The following AFAP1 variants were observed in gnomAD, a reference collection of about 807,000 sequenced individuals.
The protein encoded by AFAP1 is actin filament-associated protein 1.
Under a neutral mutation model 93.9 loss-of-function variants are expected in AFAP1, and 75 were observed. The observed-to-expected ratio is 0.80, with a 90% CI of 0.66 to 0.97. The LOEUF is 0.97. Among genes scored for constraint, AFAP1 ranks in the 50% least tolerant of loss-of-function variants. The pLI is 0.00. For synonymous variants in AFAP1, 517 were observed against 430.7 expected (o/e 1.20, Z -2.48); for missense variants, 1,201 against 1,050.8 (o/e 1.14, Z -1.98).
chr4:7,887,341 C>T (rs7663026), intron 1 of AFAP1, among the ~76,000 whole-genome samples: 46,757 of 152,114 alleles, frequency 0.31, 8,941 homozygotes, highest in Non-Finnish European at 0.44. Flanking sequence ...GCAAAGCAAA[C>T]GTGATCCCAA....
intron 8 of AFAP1, 50 bp downstream of exon 8, chr4:7,815,968 T>G: frequency 6.6e-7 from 1 of 1,517,728 alleles, no homozygotes; most frequent in African/African-American, 1.4e-5. Context: ...GATTTTTGTT[T>G]TTGTTTTTTT....
At chr4:7,798,993 A>G in intron 10 of AFAP1, 2 of 986,258 alleles carry the variant, frequency 2.0e-6, no homozygotes, top group African/African-American at 3.5e-5. Flanking sequence ...TCAAGAGTAC[A>G]GTTTCTTTAT....
intron 6 of AFAP1, among the ~76,000 whole-genome samples, chr4:7,834,162 AG>A (rs1178044348): frequency 6.6e-6 from 1 of 150,460 alleles, no homozygotes; most frequent in Admixed American, 6.6e-5. Context: ...AGCCATAAAA[AG>A]GAATACATTA....
intron 1 of AFAP1, among the ~76,000 whole-genome samples, chr4:7,873,128 A>C (rs1360453459): frequency 6.7e-6 from 1 of 148,564 alleles, no homozygotes; most frequent in Non-Finnish European, 1.5e-5. Context: ...CTGTAATCCC[A>C]GCTACTGAGG....
At position 7,778,892 on chromosome 4, in the gene AFAP1, T is replaced by C. The variant is rs187144931; in HGVS notation, c.1783-16A>G. 791 of 1,519,830 alleles carry C rather than the reference T, an allele frequency of 5.2e-4. No homozygotes were observed. Among genetic ancestry groups the C allele is most frequent in the Non-Finnish European group, 6.0e-4 (666 of 1,111,886 alleles). The allele number at this position is 1,519,830 out of a possible 1,614,324, so 94.1% of individuals were successfully genotyped here. A position where few individuals can be genotyped will look rare whatever the true frequency, so the allele number is the denominator to read the frequency against. ...TACCCTTGAGCTGTTGAAATAAACA[T>C]ATAAGAACATTAAAAATAAACACAA... On this transcript the variant is annotated splice_polypyrimidine_tract_variant and intron_variant, in intron 13 of 17. Transcript: ENST00000420658.
intron 9 of AFAP1, among the ~76,000 whole-genome samples, chr4:7,803,415 G>A (rs755568228): frequency 6.6e-6 from 1 of 152,222 alleles, no homozygotes; most frequent in Admixed American, 6.5e-5. Context: ...GTGCAGCAGG[G>A]CAGCAGTTCC....
chr4:7,876,899 A>G (rs1436666954), intron 1 of AFAP1, among the ~76,000 whole-genome samples: 3 of 152,244 alleles, frequency 2.0e-5, no homozygotes, highest in Non-Finnish European at 4.4e-5. Flanking sequence ...TGGGATATTC[A>G]CAGACTAAAT....
chr4:7,867,000 A>G (rs376962445), intron 3 of AFAP1, among the ~76,000 whole-genome samples: 5 of 149,750 alleles, frequency 3.3e-5, no homozygotes, highest in East Asian at 4.0e-4. Flanking sequence ...GAATGTGCCA[A>G]TGCACTCCAG....
rs575957009 is a variant in AFAP1 at position 7,824,097 on chromosome 4, G to T, written c.727-4926C>A. 1.4e-4 allele frequency among the ~76,000 whole-genome samples: 21 copies of T among 152,288 alleles called. No individual in the cohort carries two copies. In the South Asian group the frequency reaches 4.1e-3, roughly 30 times the overall value. On this transcript the variant is annotated intron_variant, in intron 6 of 17. Transcript: ENST00000420658. ...CTGCACCTGCAGAGTTTAGTCAGAA[G>T]TAATAAGTAAAGCACTGATCACTCC...
At chr4:7,772,678 A>T (rs956443101) in intron 16 of AFAP1, 142 bp downstream of exon 16, 4 of 720,408 alleles carry the variant, frequency 5.6e-6, no homozygotes, top group Non-Finnish European at 8.9e-6. Context: ...TGATGCTAAC[A>T]CATGAACTGT....
intron 10 of AFAP1, among the ~76,000 whole-genome samples, chr4:7,796,136 C>T (rs893713929): frequency 2.6e-5 from 4 of 152,096 alleles, no homozygotes; most frequent in Non-Finnish European, 5.9e-5. Context: ...AGCTCTGGCC[C>T]GCCGGCAGAA....
intron 1 of AFAP1, among the ~76,000 whole-genome samples, chr4:7,907,762 T>C (rs1397369514): frequency 1.3e-5 from 2 of 152,162 alleles, no homozygotes; most frequent in Non-Finnish European, 2.9e-5. Flanking sequence ...TCTGAAACAC[T>C]TCTGGTTCCA....
In AFAP1 at chr4:7,762,167, G is replaced by A. The variant is rs546916814; in HGVS notation, c.*1598C>T. ...CCAACGTGGCCCTTGCAGGCCTCAA[G>A]CGCCACCACCTTAAACATGAATCCT... On this transcript the variant is annotated 3_prime_UTR_variant, in exon 18 of 18. Transcript: ENST00000420658. 3.3e-5 allele frequency: 5 copies of A among 152,392 alleles called. No individual in the cohort carries two copies. The highest frequency in any genetic ancestry group is 1.3e-4 in the Admixed American group (2 of 15,312). The allele number at this position is 152,392 out of a possible 1,614,324, so 9.4% of individuals were successfully genotyped here. A position where few individuals can be genotyped will look rare whatever the true frequency, so the allele number is the denominator to read the frequency against.
Position 7,939,582 on chromosome 4 carries a change from G to A in AFAP1, c.-3+74C>T, listed in dbSNP as rs1281932123. The A allele has an allele frequency of 5.1e-6, 2 of 390,686 alleles. No individual in the cohort carries two copies. The highest frequency in any genetic ancestry group is 3.1e-5 in the Admixed American group (1 of 32,112). 24.2% of individuals were successfully genotyped at this position (390,686 alleles called of 1,614,324 possible). On this transcript the variant is annotated intron_variant, in intron 1 of 17. Coordinates refer to ENST00000420658, the MANE Select transcript of AFAP1 (RefSeq NM_001134647.2). The surrounding 1 kb of genome is among the most constrained non-coding windows in gnomAD (Gnocchi z 5.6). ...CGGACCCCGGACCCTGCGGAGCCCC[G>A]CTCGGAGCTTCCACGCCCGGGGCAG...
At chr4:7,811,884 A>G (rs1021167814) in intron 8 of AFAP1, among the ~76,000 whole-genome samples, 2 of 152,064 alleles carry the variant, frequency 1.3e-5, no homozygotes, top group Non-Finnish European at 2.9e-5. Context: ...GTGTGACTTT[A>G]AACAAATCAG....
chr4:7,812,848 A>C (rs1720170912), intron 8 of AFAP1, among the ~76,000 whole-genome samples: 1 of 152,204 alleles, frequency 6.6e-6, no homozygotes, highest in African/African-American at 2.4e-5. Context: ...TAATACTGTC[A>C]GACTATTTAT....
At chr4:7,763,873 CAG>C (rs766935660) in intron 17 of AFAP1, 82 bp from the exon 18 acceptor site, 2 of 1,424,888 alleles carry the variant, frequency 1.4e-6, no homozygotes, top group Non-Finnish European at 1.9e-6. Flanking sequence ...ACATTCAACT[CAG>C]AGGGGGTGGG....
intron 1 of AFAP1, among the ~76,000 whole-genome samples, chr4:7,899,292 C>G (rs1470219294): frequency 1.3e-5 from 2 of 152,112 alleles, no homozygotes; most frequent in African/African-American, 4.8e-5. Context: ...CCAGGACCCC[C>G]GTTTCATAAG....
At chr4:7,849,125 C>T (rs999986910) in intron 4 of AFAP1, among the ~76,000 whole-genome samples, 3 of 152,160 alleles carry the variant, frequency 2.0e-5, no homozygotes, top group Non-Finnish European at 2.9e-5. Flanking sequence ...GGGACTGGAG[C>T]GCCACGCAGA....
Sources: gnomAD v4.1 joint callset for allele counts (sites outside exome capture counted in the v4.1 genomes callset) on GRCh38, gnomAD v4.1.1 for gene constraint, Gnocchi (gnomAD v3.1) non-coding constraint, MANE v1.5 for transcripts, NCBI Gene and HGNC (gene_info 2026-07-23, HGNC 2026-07-21) for gene names.